MSH4: variants seen among roughly 807,000 people sequenced by gnomAD.
MSH4 encodes mutS protein homolog 4.
A neutral mutation model predicts 113.7 loss-of-function variants in MSH4; 106 were observed. That is an observed-to-expected ratio of 0.93 (90% CI 0.80 to 1.10). The LOEUF is 1.10. Ranked by LOEUF, MSH4 falls within the 50% of genes least tolerant of loss-of-function variation. The pLI, the probability that MSH4 is intolerant of heterozygous loss-of-function variation, is 0.00. For synonymous variants in MSH4, 368 were observed against 380.2 expected, an observed-to-expected ratio of 0.97 and a Z score of 0.37; for missense variants, 1,061 against 1,093.7, an observed-to-expected ratio of 0.97 and a Z score of 0.42.
chr1:75,879,807 A>C (rs1381683583), intron 12 of MSH4, among the ~76,000 whole-genome samples: 1 of 152,170 alleles, frequency 6.6e-6, no homozygotes, highest in Non-Finnish European at 1.5e-5. Context: ...TAGTCATCCC[A>C]GATGAACTAG....
chr1:75,857,210 T>G (rs148536113), intron 8 of MSH4, among the ~76,000 whole-genome samples: 19,791 of 152,190 alleles, frequency 0.13, 1,502 homozygotes, highest in East Asian at 0.27. Flanking sequence ...ATGGATAGAT[T>G]GCAAAAATTT....
At chr1:75,866,559 G>T (rs192214936) in intron 8 of MSH4, among the ~76,000 whole-genome samples, 2 of 152,276 alleles carry the variant, frequency 1.3e-5, no homozygotes, top group African/African-American at 4.8e-5. Flanking sequence ...GAGATCCATT[G>T]TAAGAGAACA....
rs375300596 is a variant in MSH4 at position 75,897,996 on chromosome 1, A to G, written c.2445A>G (p.Gln815=). 111 of 1,608,038 alleles carry G rather than the reference A, an allele frequency of 6.9e-5. No homozygotes were observed. Among genetic ancestry groups the G allele is most frequent in the Non-Finnish European group, 8.2e-5 (97 of 1,176,752 alleles). ...PNVENMHFEV[Q]HVKNTSRNKE... The stretch of plus-strand genomic sequence containing the variant: ...TAGAAAACATGCATTTTGAAGTTCA[A>G]CATGTAAAGAATACCTCAAGAAATA... Residue 815 remains glutamine (Q), a synonymous_variant, in exon 18 of 20, where the codon CAA becomes CAG. Coordinates refer to ENST00000263187, the MANE Select transcript of MSH4 (RefSeq NM_002440.4).
At chr1:75,889,104 G>A in intron 15 of MSH4, 147 bp from the exon 16 acceptor site, 3 of 445,120 alleles carry the variant, frequency 6.7e-6, no homozygotes, top group Non-Finnish European at 1.2e-5. Flanking sequence ...TATAATAAGG[G>A]ATAGAACTGG....
chr1:75,808,278 C>T (rs1012945833), intron 3 of MSH4, among the ~76,000 whole-genome samples: 4 of 152,078 alleles, frequency 2.6e-5, no homozygotes, highest in Non-Finnish European at 2.9e-5. Context: ...ATACATTTTG[C>T]TTTTTGACTA....
At chr1:75,875,865 A>G (rs1247021487) in intron 9 of MSH4, among the ~76,000 whole-genome samples, 1 of 152,112 alleles carries the variant, frequency 6.6e-6, no homozygotes, top group Non-Finnish European at 1.5e-5. Context: ...TATTGGTAGC[A>G]TATAAATTCA....
In MSH4 at chr1:75,884,945, G is replaced by T. The variant is rs1652029801; in HGVS notation, c.2107+1124G>T. On this transcript the variant is annotated intron_variant, in intron 15 of 19. Coordinates refer to ENST00000263187, the MANE Select transcript of MSH4 (RefSeq NM_002440.4). ...CTTCGATTTGAATTAGCTATGAGGA[G>T]CTAATATATATGTATATATGTATAT... Among the ~76,000 whole-genome samples, 2 of 149,614 alleles carry T rather than the reference G, an allele frequency of 1.3e-5. 1 individual carries two copies. Among genetic ancestry groups the T allele is most frequent in the South Asian group, 4.2e-4 (2 of 4,798 alleles).
At chr1:75,813,485 GT>G (rs1345630484) in intron 4 of MSH4, among the ~76,000 whole-genome samples, 1 of 152,040 alleles carries the variant, frequency 6.6e-6, no homozygotes, top group African/African-American at 2.4e-5. Flanking sequence ...TGGAGCTTCA[GT>G]TTTTTTCATC....
At chr1:75,842,720 G>T (rs1021150303) in intron 7 of MSH4, among the ~76,000 whole-genome samples, 1 of 152,136 alleles carries the variant, frequency 6.6e-6, no homozygotes, top group African/African-American at 2.4e-5. Flanking sequence ...TAATGCCAGC[G>T]TCTGGGAGGA....
rs141806588 is a variant in MSH4, at chr1:75,858,668, C to T, written c.1231-8846C>T. Among the ~76,000 whole-genome samples the T allele has an allele frequency of 4.5e-3, 687 of 152,254 alleles. 3 individuals carry two copies. Among genetic ancestry groups the T allele is most frequent in the Admixed American group, 8.6e-3 (131 of 15,286 alleles). On this transcript the variant is annotated intron_variant, in intron 8 of 19. Coordinates refer to ENST00000263187, the MANE Select transcript of MSH4 (RefSeq NM_002440.4). ...TGATGTGCTGCTGGATTCGGTTTGC[C>T]AGTATTTTATTGCGGATTCTCACAT...
intron 8 of MSH4, among the ~76,000 whole-genome samples, chr1:75,856,763 T>A (rs923458281): frequency 6.6e-6 from 1 of 152,232 alleles, no homozygotes; most frequent in Non-Finnish European, 1.5e-5. Context: ...TACATGTGTC[T>A]TTATCGTAGA....
rs1012745037 is a variant in MSH4 at position 75,912,690 on chromosome 1, T to C, written c.2620-6T>C. ...TATATATATATTTTTTTTTTTTCAA[T>C]GACAGCAAAACCAAAGGAGTACCCC... On this transcript the variant is annotated splice_polypyrimidine_tract_variant and splice_region_variant and intron_variant, in intron 19 of 19. Coordinates refer to ENST00000263187, the MANE Select transcript of MSH4 (RefSeq NM_002440.4). 10 of 1,461,664 alleles carry C rather than the reference T, an allele frequency of 6.8e-6. No homozygotes were observed. The highest frequency in any genetic ancestry group is 1.5e-5 in the African/African-American group (1 of 66,912). The allele number at this position is 1,461,664 out of a possible 1,614,324, so 90.5% of individuals were successfully genotyped here. A position where few individuals can be genotyped will look rare whatever the true frequency, so the allele number is the denominator to read the frequency against.
chr1:75,803,641 G>A, intron 1 of MSH4, 90 bp from the exon 2 acceptor site: 3 of 985,546 alleles, frequency 3.0e-6, no homozygotes, highest in Admixed American at 7.5e-5. Context: ...AGAAAAAAAA[G>A]GAAAGTGAAC....
chr1:75,879,864 T>A (rs1422565010), intron 12 of MSH4, among the ~76,000 whole-genome samples, 186 bp from the exon 13 acceptor site: 1 of 152,146 alleles, frequency 6.6e-6, no homozygotes. Context: ...GTTAAAAAAT[T>A]TGGCTTTATC....
At chr1:75,840,753 ATTCTATAAGTGT>A (rs1650941528) in intron 7 of MSH4, among the ~76,000 whole-genome samples, 1 of 152,176 alleles carries the variant, frequency 6.6e-6, no homozygotes, top group South Asian at 2.1e-4. Flanking sequence ...TATTATAGGC[ATTCTATAAGTGT>A]TAGGGATAAA....
chr1:75,894,906 G>A (rs558340632), intron 17 of MSH4, among the ~76,000 whole-genome samples: 1 of 152,176 alleles, frequency 6.6e-6, no homozygotes, highest in South Asian at 2.1e-4. Flanking sequence ...CTTTGAATCA[G>A]CTTCCAATAT....
chr1:75,806,116 TG>T (rs1375005588), intron 2 of MSH4, among the ~76,000 whole-genome samples: 12 of 151,832 alleles, frequency 7.9e-5, no homozygotes, highest in South Asian at 4.1e-4. Flanking sequence ...TCTTTAATAA[TG>T]GTCTGTGAAA....
At chr1:75,829,972 G>A (rs749923379) in intron 7 of MSH4, among the ~76,000 whole-genome samples, 36 of 151,976 alleles carry the variant, frequency 2.4e-4, no homozygotes, top group Admixed American at 1.8e-3. Context: ...TCAGACGATC[G>A]GTAATAGCAG....
At chr1:75,909,176 C>T (rs1306341572) in intron 19 of MSH4, among the ~76,000 whole-genome samples, 1 of 152,158 alleles carries the variant, frequency 6.6e-6, no homozygotes, top group Admixed American at 6.5e-5. Context: ...AGCTGGCTAT[C>T]CACCTCAATC....
Sources: allele counts gnomAD v4.1 joint callset (sites outside exome capture counted in the v4.1 genomes callset), GRCh38; gene constraint gnomAD v4.1.1; transcripts MANE v1.5; gene names NCBI Gene and HGNC (gene_info 2026-07-23, HGNC 2026-07-21).